The following PRDM1 variants were observed in gnomAD, a reference collection of about 807,000 sequenced individuals.
PRDM1 encodes PR domain zinc finger protein 1.
PRDM1 carries 13 observed loss-of-function variants against 62.8 expected under a neutral mutation model. The ratio of observed to expected loss-of-function variants is 0.21; its 90% CI spans 0.13 to 0.33. The LOEUF (loss-of-function observed/expected upper bound fraction) is 0.33, where lower values mean the gene tolerates loss of function less well. Ranked by LOEUF, PRDM1 falls within the 10% of genes least tolerant of loss-of-function variation. PRDM1 has a pLI of 1.00. For missense variants in PRDM1, 895 were observed against 1,058.8 expected (o/e 0.85, Z 2.15); for synonymous variants, 396 against 417.6 (o/e 0.95, Z 0.63).
At chr6:106,038,039 C>CAG (rs1472337987) in intron 1 of PRDM1, among the ~76,000 whole-genome samples, 1 of 5,516 alleles carries the variant, frequency 1.8e-4, no homozygotes, top group Non-Finnish European at 3.9e-4. Flanking sequence ...TTTTTTGAGA[C>CAG]AGAGTCTCAC....
chr6:106,053,452 A>C (rs1272054455), intron 1 of PRDM1, among the ~76,000 whole-genome samples: 1 of 152,204 alleles, frequency 6.6e-6, no homozygotes, highest in African/African-American at 2.4e-5. Flanking sequence ...AGTTTTAAAA[A>C]GAAAAAACAC....
intron 1 of PRDM1, among the ~76,000 whole-genome samples, chr6:106,021,723 C>G (rs550935364): frequency 4.6e-5 from 7 of 152,182 alleles, no homozygotes; most frequent in South Asian, 4.1e-4. Flanking sequence ...CGGGTTCAAT[C>G]GATTCTTCTG....
At chr6:106,098,722 G>A (rs1326612809) in intron 3 of PRDM1, 1 of 1,402,056 alleles carries the variant, frequency 7.1e-7, no homozygotes, top group Non-Finnish European at 9.5e-7. Context: ...CCACAAAAAG[G>A]CAAGGTTCCA....
At chr6:105,998,915 ATATATATATATATATATATTTTTTT>A (rs1414627032) in intron 1 of PRDM1, among the ~76,000 whole-genome samples, 182 of 6,178 alleles carry the variant, frequency 0.029, 3 homozygotes, top group Admixed American at 0.087. Flanking sequence ...ATATATATAT[ATATATATATATATATATATTTTTTT>A]TTTTTTTTTT....
At chr6:105,998,808 G>T (rs1772384495) in intron 1 of PRDM1, among the ~76,000 whole-genome samples, 1 of 151,142 alleles carries the variant, frequency 6.6e-6, no homozygotes, top group African/African-American at 2.4e-5. Context: ...CCTCTGCCAG[G>T]CTGGTAATAT....
At chr6:106,024,899 T>C (rs1772745146) in intron 1 of PRDM1, among the ~76,000 whole-genome samples, 2 of 152,106 alleles carry the variant, frequency 1.3e-5, no homozygotes, top group South Asian at 4.2e-4. Context: ...AACAACAAAA[T>C]GGAAATGGAA....
Position 106,106,075 on chromosome 6 carries a change from T to G in PRDM1, c.1773+142T>G. ...ATAGTGGGTATGGATTCCGCCTGGC[T>G]TTTGCCACTTCTAGCTCTTTGACTT... On this transcript the variant is annotated intron_variant, in intron 5 of 6. Transcript: ENST00000369096. The surrounding 1 kb of genome is among the most constrained non-coding windows in gnomAD (Gnocchi z 4.4). The G allele has an allele frequency of 1.5e-6, 2 of 1,306,922 alleles. No homozygotes were observed. Among genetic ancestry groups the G allele is most frequent in the Non-Finnish European group, 2.1e-6 (2 of 973,642 alleles). The allele number at this position is 1,306,922 out of a possible 1,614,324, so 81.0% of individuals were successfully genotyped here.
intron 1 of PRDM1, among the ~76,000 whole-genome samples, chr6:106,060,810 G>A (rs1034392640): frequency 7.2e-5 from 11 of 152,006 alleles, no homozygotes; most frequent in African/African-American, 2.7e-4. Context: ...TGGGTGGCTG[G>A]GATGGGGATA....
At chr6:106,009,711 C>T (rs1164752795) in intron 1 of PRDM1, among the ~76,000 whole-genome samples, 1 of 151,932 alleles carries the variant, frequency 6.6e-6, no homozygotes, top group Non-Finnish European at 1.5e-5. Context: ...ATGTGATTAT[C>T]TTCTCCCTCC....
rs370797894 is a variant in PRDM1, at chr6:106,106,887, C to T, written c.1903-24C>T. 21 of 1,584,472 alleles carry T rather than the reference C, an allele frequency of 1.3e-5. No individual in the cohort carries two copies. In the African/African-American group the frequency reaches 2.3e-4, roughly 17 times the overall value. On this transcript the variant is annotated intron_variant, in intron 6 of 6. Coordinates refer to ENST00000369096, the MANE Select transcript of PRDM1 (RefSeq NM_001198.4). The surrounding 1 kb of genome is among the most constrained non-coding windows in gnomAD (Gnocchi z 4.4). The stretch of plus-strand genomic sequence containing the variant: ...CTGGCCTTCCTGTCTCCCTTCCCTG[C>T]TGTCTCTCTCCCCTACACTGTAGGT...
intron 1 of PRDM1, among the ~76,000 whole-genome samples, chr6:106,071,481 C>G (rs1484367674): frequency 6.6e-6 from 1 of 152,062 alleles, no homozygotes. Context: ...CACTTCCCAT[C>G]GATTTTGCAT....
chr6:106,083,858 T>G (rs934249763), upstream of PRDM1, among the ~76,000 whole-genome samples: 1 of 152,136 alleles, frequency 6.6e-6, no homozygotes, highest in African/African-American at 2.4e-5. Flanking sequence ...CTCTGATAGC[T>G]CTCTCTGCAC....
intron 1 of PRDM1, among the ~76,000 whole-genome samples, chr6:106,069,558 A>G (rs746674545): frequency 3.3e-5 from 5 of 152,220 alleles, no homozygotes; most frequent in East Asian, 1.9e-4. Flanking sequence ...GAAGATTTAG[A>G]TGACGGCATC....
chr6:106,016,195 A>T (rs1772617760), intron 1 of PRDM1, among the ~76,000 whole-genome samples: 1 of 152,178 alleles, frequency 6.6e-6, no homozygotes, highest in Non-Finnish European at 1.5e-5. Flanking sequence ...CATTGTGTGT[A>T]TGGATTGCCA....
intron 1 of PRDM1, among the ~76,000 whole-genome samples, chr6:106,000,166 C>G (rs1469870244): frequency 7.9e-5 from 12 of 152,228 alleles, no homozygotes; most frequent in Non-Finnish European, 1.8e-4. Context: ...TGTATTTCAA[C>G]TATACCAAAA....
chr6:106,098,429 C>T, intron 3 of PRDM1: 1 of 985,350 alleles, frequency 1.0e-6, no homozygotes, highest in Non-Finnish European at 1.2e-6. Flanking sequence ...CTAGGACAAA[C>T]TTCAAATTCT....
intron 1 of PRDM1, among the ~76,000 whole-genome samples, chr6:106,056,231 G>A (rs1257365357): frequency 3.3e-5 from 5 of 152,090 alleles, no homozygotes; most frequent in Non-Finnish European, 5.9e-5. Flanking sequence ...CCACTCTGTT[G>A]TCCTGCAAGT....
At chr6:106,094,159 T>C (rs1774028839) in intron 2 of PRDM1, among the ~76,000 whole-genome samples, 1 of 152,346 alleles carries the variant, frequency 6.6e-6, no homozygotes, top group Middle Eastern at 3.4e-3. Context: ...ATTCACATAT[T>C]TGAGTCTACC....
chr6:106,057,746 G>T (rs971630388), intron 1 of PRDM1, among the ~76,000 whole-genome samples: 14 of 152,054 alleles, frequency 9.2e-5, no homozygotes, highest in Non-Finnish European at 2.1e-4. Flanking sequence ...AAATGATATT[G>T]GATGTAATCA....
Sources: gnomAD v4.1 joint callset for allele counts (sites outside exome capture counted in the v4.1 genomes callset) on GRCh38, gnomAD v4.1.1 for gene constraint, Gnocchi (gnomAD v3.1) non-coding constraint, MANE v1.5 for transcripts, NCBI Gene and HGNC (gene_info 2026-07-23, HGNC 2026-07-21) for gene names.